The following CAPN13 variants were observed in gnomAD, a reference collection of about 807,000 sequenced individuals.
CAPN13 encodes calpain 13.
Under a neutral mutation model 98.4 loss-of-function variants are expected in CAPN13, and 90 were observed. The observed-to-expected ratio is 0.92, with a 90% CI of 0.77 to 1.09. The LOEUF is 1.09. Among genes scored for constraint, CAPN13 ranks in the 50% least tolerant of loss-of-function variants. The probability of loss-of-function intolerance (pLI) is 0.00; values close to 1 mark genes in which losing one functional copy is unlikely to be tolerated. For missense variants in CAPN13, 887 were observed against 841.3 expected, an observed-to-expected ratio of 1.05 and a Z score of -0.67; for synonymous variants, 330 against 305.5, an observed-to-expected ratio of 1.08 and a Z score of -0.84.
rs1672678421 is a variant in CAPN13, at chr2:30,759,088, T to A, written c.775-951A>T. On this transcript the variant is annotated intron_variant, in intron 7 of 22. Transcript: ENST00000295055. ...CCTCCCTCCTCCCTCCCTTCCTCTC[T>A]GCCTCCCTTCATCCCTCCCTCCCTT... Among the ~76,000 whole-genome samples, 4 of 91,592 alleles carry A rather than the reference T, an allele frequency of 4.4e-5. No individual in the cohort carries two copies. In the Admixed American group the frequency reaches 5.7e-4, roughly 13 times the overall value. The allele number at this position is 91,592 out of a possible 152,430, so 60.1% of individuals were successfully genotyped here.
At chr2:30,757,047 G>A (rs542067231) in intron 8 of CAPN13, among the ~76,000 whole-genome samples, 4 of 152,158 alleles carry the variant, frequency 2.6e-5, no homozygotes, top group Non-Finnish European at 4.4e-5. Flanking sequence ...AGAAAGCACC[G>A]TCCTCACTGT....
At chr2:30,800,140 G>GAAAAGAAAGA (rs761859358) in intron 1 of CAPN13, among the ~76,000 whole-genome samples, 63 of 145,264 alleles carry the variant, frequency 4.3e-4, no homozygotes, top group African/African-American at 1.5e-3. Flanking sequence ...AAGAAAGAAA[G>GAAAAGAAAGA]AAAGAAAGAA....
chr2:30,788,054 G>T (rs992065748), intron 1 of CAPN13, among the ~76,000 whole-genome samples: 5 of 152,094 alleles, frequency 3.3e-5, no homozygotes, highest in Non-Finnish European at 4.4e-5. Context: ...CAGATTTGGT[G>T]TAACTTTATA....
chr2:30,754,748 G>A (rs536234017), intron 8 of CAPN13, among the ~76,000 whole-genome samples: 1 of 152,122 alleles, frequency 6.6e-6, no homozygotes, highest in African/African-American at 2.4e-5. Context: ...AGCATTCATT[G>A]ATTGATCCTA....
chr2:30,768,111 C>T (rs950237650), intron 5 of CAPN13, among the ~76,000 whole-genome samples: 5 of 152,228 alleles, frequency 3.3e-5, no homozygotes, highest in Non-Finnish European at 5.9e-5. Flanking sequence ...TGCCCCTTCA[C>T]GGTGCCTGCC....
chr2:30,775,853 G>A, intron 4 of CAPN13, 77 bp downstream of exon 4: 1 of 1,010,348 alleles, frequency 9.9e-7, no homozygotes, highest in South Asian at 2.6e-5. Context: ...CCGGCCACGA[G>A]AAAACTTAAG....
At chr2:30,791,179 A>G (rs1272719376) in intron 1 of CAPN13, among the ~76,000 whole-genome samples, 2 of 152,256 alleles carry the variant, frequency 1.3e-5, no homozygotes, top group Admixed American at 6.5e-5. Context: ...CTCAGAGAAT[A>G]GACAGTGGAT....
At chr2:30,742,151 C>T (rs530690548) in intron 14 of CAPN13, among the ~76,000 whole-genome samples, 175 bp downstream of exon 14, 4 of 152,298 alleles carry the variant, frequency 2.6e-5, no homozygotes, top group Admixed American at 2.6e-4. Flanking sequence ...TGAGCCTGGC[C>T]TTGGAGGCCT....
intron 22 of CAPN13, among the ~76,000 whole-genome samples, chr2:30,728,900 T>G (rs942578310): frequency 2.0e-5 from 3 of 152,156 alleles, no homozygotes; most frequent in East Asian, 3.8e-4. Context: ...AGTGAGAATA[T>G]GTAGACAATG....
chr2:30,732,351 C>T, intron 20 of CAPN13, 87 bp downstream of exon 20: 2 of 1,557,174 alleles, frequency 1.3e-6, no homozygotes, highest in Middle Eastern at 2.2e-4. Context: ...CTCACGCAGA[C>T]CTGGGGTGGG....
chr2:30,784,658 C>G (rs140972728), intron 2 of CAPN13, among the ~76,000 whole-genome samples: 1 of 152,134 alleles, frequency 6.6e-6, no homozygotes, highest in Admixed American at 6.5e-5. Context: ...TATGATGAGG[C>G]CTTACAAGGG....
At chr2:30,789,230 T>C (rs1469274516) in intron 1 of CAPN13, among the ~76,000 whole-genome samples, 5 of 152,254 alleles carry the variant, frequency 3.3e-5, no homozygotes, top group East Asian at 1.9e-4. Flanking sequence ...CAAAAGGCGA[T>C]GGCACTCGAT....
chr2:30,761,693 C>T (rs969712633), intron 7 of CAPN13, among the ~76,000 whole-genome samples: 1 of 152,242 alleles, frequency 6.6e-6, no homozygotes, highest in Non-Finnish European at 1.5e-5. Flanking sequence ...AGCTCTCTTT[C>T]CATGAATCTG....
intron 1 of CAPN13, among the ~76,000 whole-genome samples, chr2:30,805,546 C>T (rs971109885): frequency 3.3e-5 from 5 of 152,074 alleles, no homozygotes; most frequent in African/African-American, 9.7e-5. Flanking sequence ...TCAAGTACTG[C>T]TAAGTGCTTT....
intron 21 of CAPN13, 29 bp downstream of exon 21, chr2:30,731,315 C>T: frequency 6.3e-7 from 1 of 1,588,986 alleles, no homozygotes; most frequent in South Asian, 1.1e-5. Flanking sequence ...TGGGACTGTG[C>T]CTGCCCCGGG....
Position 30,723,929 on chromosome 2 carries a change from T to C in CAPN13, c.*31-693A>G, listed in dbSNP as rs558925696. Among the ~76,000 whole-genome samples, 79 of 152,200 alleles carry C rather than the reference T, an allele frequency of 5.2e-4. 1 individual carries two copies. In the Middle Eastern group the frequency reaches 0.031, roughly 59 times the overall value. On this transcript the variant is annotated intron_variant, in intron 22 of 22. Coordinates refer to ENST00000295055, the MANE Select transcript of CAPN13 (RefSeq NM_144575.3). ...AGTACTACAAGGCACGAAGGAAAAA[T>C]AGCAGGTTCTTGTCCCATTTCTATC...
intron 5 of CAPN13, 21 bp downstream of exon 5, chr2:30,770,292 G>C: frequency 6.2e-7 from 1 of 1,611,854 alleles, no homozygotes; most frequent in Non-Finnish European, 8.5e-7. Flanking sequence ...CTGGGCTGAT[G>C]GGTGGCGGGG....
chr2:30,741,359 A>ACAATTATTC (rs2147967139), intron 15 of CAPN13: 1 of 983,562 alleles, frequency 1.0e-6, no homozygotes, highest in South Asian at 4.7e-5. Flanking sequence ...TCCACTTTCC[A>ACAATTATTC]CACTAACACA....
chr2:30,734,460 A>G lies in CAPN13; in HGVS notation c.1787T>C (p.Ile596Thr), dbSNP rs2276568. The G allele has an allele frequency of 0.069, 112,009 of 1,613,268 alleles. 4,621 individuals are homozygous for G. The highest frequency in any genetic ancestry group is 0.15 in the East Asian group (6,729 of 44,850). Reference sequence around the variant, plus strand: ...AGTCCCCATTGTACCTGTATTCTCTATGGCCTTCCACAAGTCCGAGCTCAG... The same window carrying G: ...AGTCCCCATTGTACCTGTATTCTCTGTGGCCTTCCACAAGTCCGAGCTCAG... ...VLLSSDLWKA[I>T]ENTDFLRGIF... is the part of the protein sequence containing the mutation. Residue 596 changes from isoleucine to threonine, a missense_variant, in exon 19 of 23, where the codon ATA becomes ACA. Coordinates refer to ENST00000295055, the MANE Select transcript of CAPN13 (RefSeq NM_144575.3).
Sources: gnomAD v4.1 joint callset for allele counts (sites outside exome capture counted in the v4.1 genomes callset) on GRCh38, gnomAD v4.1.1 for gene constraint, MANE v1.5 for transcripts, NCBI Gene and HGNC (gene_info 2026-07-23, HGNC 2026-07-21) for gene names.